The following SLC9A8 variants were observed in gnomAD, a reference collection of about 807,000 sequenced individuals.
The protein encoded by SLC9A8 is sodium/hydrogen exchanger 8.
SLC9A8 carries 48 observed loss-of-function variants against 66.6 expected under a neutral mutation model. That is an observed-to-expected ratio of 0.72 (90% CI 0.57 to 0.92). The LOEUF (loss-of-function observed/expected upper bound fraction) is 0.92, where lower values mean the gene tolerates loss of function less well. SLC9A8 is among the 40% of genes least tolerant of loss of function. SLC9A8 has a pLI of 0.00. For missense variants in SLC9A8, 599 were observed against 747.3 expected, an observed-to-expected ratio of 0.80 and a Z score of 2.31; for synonymous variants, 274 against 282.6, an observed-to-expected ratio of 0.97 and a Z score of 0.31.
chr20:49,831,035 C>G (rs1382459556), intron 3 of SLC9A8: 3 of 730,372 alleles, frequency 4.1e-6, no homozygotes, highest in Non-Finnish European at 7.7e-6. Context: ...AGCCAAGGCA[C>G]TGGACCAGTC....
chr20:49,855,453 C>T lies in SLC9A8; in HGVS notation c.585C>T (p.Ser195=), dbSNP rs898191082. The change falls in exon 8 of 16, where the codon TCC becomes TCT. Residue 195 remains serine, a synonymous_variant. Transcript: ENST00000361573. ...TCTCTTACAGTTTTGCGTTTGGCTC[C>T]CTAATATCTGCTGTCGATCCAGTGG... ...LNMTDSFAFG[S]LISAVDPVAT... 5 of 1,614,146 alleles carry T rather than the reference C, an allele frequency of 3.1e-6. No homozygotes were observed. Among genetic ancestry groups the T allele is most frequent in the African/African-American group, 1.3e-5 (1 of 75,056 alleles).
intron 3 of SLC9A8, among the ~76,000 whole-genome samples, chr20:49,838,084 C>T (rs946605203): frequency 2.0e-5 from 3 of 151,632 alleles, no homozygotes; most frequent in South Asian, 2.1e-4. Context: ...ACACTCACAC[C>T]CTGGTACTGT....
At chr20:49,834,185 C>CTCTCTATATATA (rs1475975068) in intron 3 of SLC9A8, among the ~76,000 whole-genome samples, 1 of 34,530 alleles carries the variant, frequency 2.9e-5, no homozygotes, top group African/African-American at 1.1e-4. Flanking sequence ...CTCTCTCTCT[C>CTCTCTATATATA]TATATATATA....
chr20:49,829,579 C>A, intron 3 of SLC9A8: 2 of 334,396 alleles, frequency 6.0e-6, no homozygotes, highest in Non-Finnish European at 1.2e-5. Flanking sequence ...TTTTTTGGAA[C>A]ATAAGATCAT....
intron 8 of SLC9A8, among the ~76,000 whole-genome samples, chr20:49,862,622 C>T (rs988945285): frequency 1.3e-5 from 2 of 152,150 alleles, no homozygotes; most frequent in African/African-American, 4.8e-5. Flanking sequence ...GTTACCTACC[C>T]ACCCTGCTTT....
intron 2 of SLC9A8, among the ~76,000 whole-genome samples, chr20:49,822,168 A>G (rs1034079339): frequency 6.6e-6 from 1 of 152,226 alleles, no homozygotes; most frequent in Admixed American, 6.5e-5. Context: ...ATGGCAGGAC[A>G]CAGCTGCACC....
chr20:49,827,432 A>G (rs1182184357), intron 3 of SLC9A8, among the ~76,000 whole-genome samples: 1 of 151,104 alleles, frequency 6.6e-6, no homozygotes, highest in Non-Finnish European at 1.5e-5. Context: ...GCGAAACCCC[A>G]TCTCTACTAA....
In SLC9A8 at chr20:49,862,999, G is replaced by T. The variant is rs1488086330; in HGVS notation, c.784G>T (p.Asp262Tyr). 2.2e-5 allele frequency: 35 copies of T among 1,613,632 alleles called. No individual in the cohort carries two copies. Among genetic ancestry groups the T allele is most frequent in the Non-Finnish European group, 2.9e-5 (34 of 1,179,690 alleles). Residue 262 changes from aspartate to tyrosine, a missense_variant, in exon 9 of 16, where the codon GAC (aspartate) becomes TAC (tyrosine). Physicochemically the swap from Asp to Tyr is radical, Grantham distance 160 (BLOSUM62 -3). Transcript: ENST00000361573. ...GTGGCAAACATTTTTACAAGCCCTT[G>T]ACTACTTCCTCAAAATGTTCTTTGG... is the stretch of plus-strand genomic sequence containing the variant. The part of the protein sequence containing the change: ...SGWQTFLQAL[D>Y]YFLKMFFGSA...
At chr20:49,834,139 GTC>G (rs71335517) in intron 3 of SLC9A8, among the ~76,000 whole-genome samples, 1,670 of 64,882 alleles carry the variant, frequency 0.026, 15 homozygotes, top group Non-Finnish European at 0.027. Flanking sequence ...ATATTAGCTT[GTC>G]TCTCTCTCTC....
Position 49,830,838 on chromosome 20 carries a change from A to G in SLC9A8, c.289+7697A>G, listed in dbSNP as rs910918757. On this transcript the variant is annotated intron_variant, in intron 3 of 15. Transcript: ENST00000361573. ...TCAGGCCCAGCAGACACTCTTGGAC[A>G]TCCTCAATCAGGGACAGTTGGCCAG... 5 of 1,438,284 alleles carry G rather than the reference A, an allele frequency of 3.5e-6. No individual in the cohort carries two copies. The East Asian group carries it at 1.1e-4, about 33-fold the overall frequency. The allele number at this position is 1,438,284 out of a possible 1,614,324, so 89.1% of individuals were successfully genotyped here.
intron 3 of SLC9A8, chr20:49,830,281 T>C: frequency 8.8e-7 from 1 of 1,140,420 alleles, no homozygotes; most frequent in South Asian, 1.2e-5. Flanking sequence ...GTCTCTAACT[T>C]GCTAAAAATG....
In SLC9A8 at chr20:49,815,179, C is replaced by A. The variant is rs1450807152; in HGVS notation, c.198C>A (p.Leu66=). 1.3e-6 allele frequency: 2 copies of A among 1,558,124 alleles called. No individual in the cohort carries two copies. The highest frequency in any genetic ancestry group is 1.7e-6 in the Non-Finnish European group (2 of 1,150,032). Residue 66 remains leucine (L), a synonymous_variant, in exon 2 of 16, where the codon CTC becomes CTA. Transcript: ENST00000361573. ...QSSGMTIFFS[L]LVLAICIILV... is the part of the protein sequence containing the mutation. ...GCGGCATGACCATTTTCTTCAGCCT[C>A]CTTGTCCTAGGTGAATATGGACACT...
intron 4 of SLC9A8, among the ~76,000 whole-genome samples, chr20:49,840,923 C>T (rs1279951145): frequency 1.3e-5 from 2 of 151,752 alleles, no homozygotes; most frequent in Non-Finnish European, 2.9e-5. Context: ...TCGAGACCAG[C>T]CTGGGCAACA....
intron 14 of SLC9A8, chr20:49,884,294 A>G (rs1319867275): frequency 2.9e-4 from 81 of 279,524 alleles, no homozygotes; most frequent in Middle Eastern, 1.0e-3. Context: ...CACACGACAC[A>G]CACACACACA....
rs757786723 is a variant in SLC9A8, at chr20:49,883,974, A to G, written c.1399A>G (p.Thr467Ala). 5 of 1,613,458 alleles carry G rather than the reference A, an allele frequency of 3.1e-6. No homozygotes were observed. Among genetic ancestry groups the G allele is most frequent in the African/African-American group, 1.3e-5 (1 of 74,946 alleles). Residue 467 changes from threonine to alanine, a missense_variant, in exon 14 of 16, where the codon ACC (threonine) becomes GCC (alanine). By Grantham distance (58) the Thr-to-Ala change is moderately conservative (BLOSUM62 0). Coordinates refer to ENST00000361573, the MANE Select transcript of SLC9A8 (RefSeq NM_015266.3). ...LFTILLLGGS[T>A]MPLIRLMDIE... The stretch of plus-strand genomic sequence containing the variant: ...CACCATCCTGCTGCTGGGCGGCAGC[A>G]CCATGCCCCTCATTCGCCTCATGGA...
intron 8 of SLC9A8, among the ~76,000 whole-genome samples, chr20:49,862,217 G>A (rs2088771182): frequency 1.3e-5 from 2 of 151,760 alleles, no homozygotes; most frequent in South Asian, 4.2e-4. Context: ...TCTTCACCTG[G>A]GCAAGTCGTC....
In SLC9A8 at chr20:49,884,286, C is replaced by CG. The variant is rs1568884155; in HGVS notation, c.1491+220_1491+221insG. 163 of 281,732 alleles carry CG rather than the reference C, an allele frequency of 5.8e-4. 24 individuals carry two copies. The highest frequency in any genetic ancestry group is 3.1e-3 in the Middle Eastern group (3 of 972). The allele number at this position is 281,732 out of a possible 1,614,324, so 17.5% of individuals were successfully genotyped here. ...CACACACACACACGACACACACACA[C>CG]ACGACACACACACACACACACACAC... On this transcript the variant is annotated intron_variant, in intron 14 of 15. Transcript: ENST00000361573.
chr20:49,830,506 C>G, intron 3 of SLC9A8: 1 of 739,720 alleles, frequency 1.4e-6, no homozygotes, highest in Non-Finnish European at 2.4e-6. Context: ...GTGGACATGT[C>G]AACGGTGGAC....
At chr20:49,865,291 T>C (rs1412969797) in intron 10 of SLC9A8, among the ~76,000 whole-genome samples, 1 of 152,172 alleles carries the variant, frequency 6.6e-6, no homozygotes, top group Non-Finnish European at 1.5e-5. Context: ...AACCCTCTAA[T>C]ACAACTCCCT....
Sources: gnomAD v4.1 joint callset for allele counts (sites outside exome capture counted in the v4.1 genomes callset) on GRCh38, gnomAD v4.1.1 for gene constraint, MANE v1.5 for transcripts, NCBI Gene and HGNC (gene_info 2026-07-23, HGNC 2026-07-21) for gene names.